SLC2A7: variants seen among roughly 807,000 people sequenced by gnomAD.
SLC2A7 encodes solute carrier family 2 member 7.
SLC2A7 carries 50 observed loss-of-function variants against 50.5 expected under a neutral mutation model. The observed-to-expected ratio is 0.99, with a 90% CI of 0.79 to 1.25. The LOEUF is 1.25. Among genes scored for constraint, SLC2A7 ranks in the 50% most tolerant of loss-of-function variants. The pLI, the probability that SLC2A7 is intolerant of heterozygous loss-of-function variation, is 0.00. For missense variants in SLC2A7, 683 were observed against 679.1 expected, an observed-to-expected ratio of 1.01 and a Z score of -0.06; for synonymous variants, 308 against 300.4, an observed-to-expected ratio of 1.03 and a Z score of -0.26.
Position 9,014,768 on chromosome 1 carries a change from C to A in SLC2A7, c.816G>T (p.Leu272=). Residue 272 remains leucine (L), a synonymous_variant, in exon 7 of 12, where the codon CTG becomes CTT. Transcript: ENST00000400906. ...GCAGGGACCGCAGGGCACAGAGGTG[C>A]AGCACAGACAGGTGGCCCTCGGCGC... ...AERAEGHLSV[L]HLCALRSLRW... is the part of the protein sequence containing the mutation. 6.3e-7 allele frequency: 1 copy of A among 1,595,808 alleles called. No individual in the cohort carries two copies. Among genetic ancestry groups the A allele is most frequent in the South Asian group, 1.1e-5 (1 of 88,384 alleles).
chr1:9,009,047 T>C (rs1640702316), intron 9 of SLC2A7, among the ~76,000 whole-genome samples: 2 of 152,226 alleles, frequency 1.3e-5, no homozygotes, highest in Non-Finnish European at 2.9e-5. Context: ...CCCCCAGCTC[T>C]TTCCCACATG....
At position 9,003,243 on chromosome 1, in the gene SLC2A7, G is replaced by A. The variant is rs1640600821; in HGVS notation, c.*57C>T. ...CCTCCCCAGAGCCTGGGGCCGGGAGGCCCATTGTCATAGAAGGAAGCCTTG... is the reference window on the plus strand; with the variant it reads ...CCTCCCCAGAGCCTGGGGCCGGGAGACCCATTGTCATAGAAGGAAGCCTTG... On this transcript the variant is annotated 3_prime_UTR_variant, in exon 12 of 12. Coordinates refer to ENST00000400906, the MANE Select transcript of SLC2A7 (RefSeq NM_207420.3). 1.9e-6 allele frequency: 3 copies of A among 1,545,676 alleles called. No homozygotes were observed. The highest frequency in any genetic ancestry group is 1.4e-5 in the African/African-American group (1 of 72,956).
chr1:9,000,745 GGTGTGTGT>G (rs56985979), downstream of SLC2A7, among the ~76,000 whole-genome samples: 961 of 142,188 alleles, frequency 6.8e-3, 11 homozygotes, highest in African/African-American at 0.023. Flanking sequence ...TGACTTTCCT[GGTGTGTGT>G]GTGTGTGTGT....
chr1:9,026,172 G>A, intron 1 of SLC2A7, 123 bp downstream of exon 1: 3 of 1,072,254 alleles, frequency 2.8e-6, no homozygotes, highest in South Asian at 2.7e-5. Context: ...TGGTTATCCT[G>A]AAGAAAAAGG....
chr1:9,005,572 C>T (rs1398708639), intron 10 of SLC2A7, among the ~76,000 whole-genome samples: 3 of 152,022 alleles, frequency 2.0e-5, no homozygotes, highest in Non-Finnish European at 2.9e-5. Context: ...TGAAAAGGTC[C>T]GGTCTCACAG....
At chr1:9,014,042 A>T (rs1421654717) in intron 7 of SLC2A7, among the ~76,000 whole-genome samples, 3 of 152,236 alleles carry the variant, frequency 2.0e-5, no homozygotes, top group Non-Finnish European at 4.4e-5. Flanking sequence ...ACATTGGCAC[A>T]AACAGCCCTT....
At position 9,023,835 on chromosome 1, in the gene SLC2A7, CTTCTTTTTTTTTTTT is replaced by C. The variant is rs1360159629; in HGVS notation, c.151-772_151-758del. ...CAGAGGCACCATAGGAAATATTCTT[CTTCTTTTTTTTTTTT>C]TTTTTTTTTTTTTTTTTTTTTTTGA... On this transcript the variant is annotated intron_variant, in intron 2 of 11. Coordinates refer to ENST00000400906, the MANE Select transcript of SLC2A7 (RefSeq NM_207420.3). Among the ~76,000 whole-genome samples, 485 of 65,950 alleles carry C rather than the reference CTTCTTTTTTTTTTTT, an allele frequency of 7.4e-3. 43 individuals are homozygous for C. Among genetic ancestry groups the C allele is most frequent in the South Asian group, 0.058 (86 of 1,478 alleles). The allele number at this position is 65,950 out of a possible 152,430, so 43.3% of individuals were successfully genotyped here.
At chr1:9,015,857 G>A (rs1485335971) in intron 5 of SLC2A7, among the ~76,000 whole-genome samples, 1 of 151,416 alleles carries the variant, frequency 6.6e-6, no homozygotes, top group Non-Finnish European at 1.5e-5. Context: ...CTGAGTGGCT[G>A]GAACTACACG....
chr1:9,023,835 CTTCTTTTTTTTTTTTTT>C (rs1275404338), intron 2 of SLC2A7, among the ~76,000 whole-genome samples: 989 of 65,968 alleles, frequency 0.015, 69 homozygotes, highest in Middle Eastern at 0.047. Context: ...AAATATTCTT[CTTCTTTTTTTTTTTTTT>C]TTTTTTTTTT....
Position 9,004,801 on chromosome 1 carries a change from A to G in SLC2A7, c.1271T>C (p.Val424Ala). The G allele has an allele frequency of 6.2e-7, 1 of 1,614,164 alleles. No homozygotes were observed. The highest frequency in any genetic ancestry group is 8.5e-7 in the Non-Finnish European group (1 of 1,179,994). Residue 424 changes from valine (V) to alanine (A), a missense_variant, in exon 11 of 12, where the codon GTG becomes GCG. Transcript: ENST00000400906. The stretch of plus-strand genomic sequence containing the variant: ...TATGATGAAGTTGGTGAGCCAGTGC[A>G]CTGCCCCGTCCACCATGAAAGCTGC... Reference protein sequence around the residue: ...RRAAFMVDGAVHWLTNFIIGF... With the variant: ...RRAAFMVDGAAHWLTNFIIGF...
intron 8 of SLC2A7, among the ~76,000 whole-genome samples, chr1:9,012,242 C>G (rs2124248944): frequency 6.6e-6 from 1 of 152,332 alleles, no homozygotes; most frequent in African/African-American, 2.4e-5. Flanking sequence ...CAATTTCCTG[C>G]TGTATGCCTG....
chr1:8,993,472 C>T, the SLC2A7 span, among the ~76,000 whole-genome samples: 1 of 152,182 alleles, frequency 6.6e-6, no homozygotes, highest in Non-Finnish European at 1.5e-5. Context: ...AAACCCTAAA[C>T]TAAAACCTCA....
In SLC2A7 at chr1:9,024,908, C is replaced by T. The variant is rs116744973; in HGVS notation, c.150+68G>A. 962 of 1,544,518 alleles carry T rather than the reference C, an allele frequency of 6.2e-4. 3 individuals carry two copies. In the African/African-American group the frequency reaches 9.9e-3, roughly 16 times the overall value. On this transcript the variant is annotated intron_variant, in intron 2 of 11. Transcript: ENST00000400906. ...TGGCAGCCTCCACGGAGGAAGATGG[C>T]GGCTACCTTCCACCCACGACCCCGG...
the SLC2A7 span, among the ~76,000 whole-genome samples, chr1:8,996,138 C>T: frequency 2.6e-5 from 4 of 152,184 alleles, no homozygotes; most frequent in Admixed American, 6.5e-5. Context: ...TATACACGTT[C>T]GTGAAATTAT....
At chr1:9,006,721 T>C (rs12354359) in intron 10 of SLC2A7, among the ~76,000 whole-genome samples, 9,918 of 152,254 alleles carry the variant, frequency 0.065, 1,051 homozygotes, top group African/African-American at 0.22. Flanking sequence ...GGGAATGTTA[T>C]TAGAGTCTTC....
rs773898557 is a variant in SLC2A7, at chr1:9,026,298, C to G, written c.48G>C (p.Glu16Asp). ...AGTPPPIPSR[E>D]GRLQPTLLLA... The stretch of plus-strand genomic sequence containing the variant: ...GGTTCCTAGTCTTGGCACTTACCCC[C>G]TCCCTGGATGGAATGGGTGGAGGGG... Residue 16 changes from glutamate (E) to aspartate (D), a missense_variant, in exon 1 of 12, where the codon GAG (glutamate) becomes GAC (aspartate). By Grantham distance (45) the Glu-to-Asp change is conservative (BLOSUM62 2). Transcript: ENST00000400906. 1.9e-6 allele frequency: 3 copies of G among 1,609,180 alleles called. No individual in the cohort carries two copies. The highest frequency in any genetic ancestry group is 2.2e-5 in the South Asian group (2 of 89,840).
intron 11 of SLC2A7, among the ~76,000 whole-genome samples, chr1:9,003,975 G>A (rs1254776041): frequency 2.0e-5 from 3 of 151,062 alleles, no homozygotes; most frequent in Non-Finnish European, 2.9e-5. Context: ...ACTCCTGGAG[G>A]AATGATATAG....
chr1:9,017,488 G>A (rs1024573999), intron 5 of SLC2A7, among the ~76,000 whole-genome samples: 2 of 152,246 alleles, frequency 1.3e-5, no homozygotes, highest in African/African-American at 4.8e-5. Context: ...TACACAGACA[G>A]GCCTCGCGGG....
intron 6 of SLC2A7, 90 bp from the exon 7 acceptor site, chr1:9,014,958 T>C: frequency 7.3e-6 from 11 of 1,504,270 alleles, no homozygotes; most frequent in South Asian, 1.3e-5. Context: ...CACCATTCCC[T>C]GACCTGACCT....
Sources: gnomAD v4.1 joint callset for allele counts (sites outside exome capture counted in the v4.1 genomes callset) on GRCh38, gnomAD v4.1.1 for gene constraint, MANE v1.5 for transcripts, NCBI Gene and HGNC (gene_info 2026-07-23, HGNC 2026-07-21) for gene names.